The following DISP1 variants were observed in gnomAD, a reference collection of about 807,000 sequenced individuals.
DISP1 encodes the protein protein dispatched homolog 1.
In DISP1, 30 loss-of-function variants were observed where a neutral mutation model predicts 37.3. That is an observed-to-expected ratio of 0.80 (90% CI 0.60 to 1.09). The LOEUF (loss-of-function observed/expected upper bound fraction) is 1.09. Ranked by LOEUF, DISP1 falls within the 50% of genes least tolerant of loss-of-function variation. The pLI is 0.00. For synonymous variants in DISP1, 634 were observed against 690.2 expected (o/e 0.92, Z 1.28); for missense variants, 1,598 against 1,879.5 (o/e 0.85, Z 2.77).
chr1:222,925,019 G>T (rs189017351), intron 1 of DISP1, among the ~76,000 whole-genome samples: 4 of 151,998 alleles, frequency 2.6e-5, no homozygotes, highest in East Asian at 1.9e-4. Flanking sequence ...TTAGAACATC[G>T]TAAGGTCACT....
chr1:222,857,250 T>A (rs1346778963), intron 1 of DISP1, among the ~76,000 whole-genome samples: 1 of 151,868 alleles, frequency 6.6e-6, no homozygotes, highest in African/African-American at 2.4e-5. Context: ...CTGGGCAACA[T>A]AGTGAGACTA....
At chr1:222,956,189 A>G (rs1008859573) in intron 3 of DISP1, among the ~76,000 whole-genome samples, 1 of 152,222 alleles carries the variant, frequency 6.6e-6, no homozygotes, top group African/African-American at 2.4e-5. Flanking sequence ...TCCTCTGCTC[A>G]GAAATCTTCC....
At chr1:222,983,003 G>A in intron 3 of DISP1, 77 bp from the exon 4 acceptor site, 1 of 1,095,902 alleles carries the variant, frequency 9.1e-7, no homozygotes. Flanking sequence ...CAACACATAT[G>A]TAAAGCCTTT....
At chr1:222,870,746 T>G (rs1669513464) in intron 1 of DISP1, among the ~76,000 whole-genome samples, 1 of 152,230 alleles carries the variant, frequency 6.6e-6, no homozygotes, top group Admixed American at 6.5e-5. Context: ...AGGTTGCCTG[T>G]TCACTCTGAT....
chr1:222,957,684 C>G (rs1675711554), intron 3 of DISP1, among the ~76,000 whole-genome samples: 1 of 152,200 alleles, frequency 6.6e-6, no homozygotes, highest in South Asian at 2.1e-4. Flanking sequence ...TAGTGATCGG[C>G]TAGGCCTTGG....
At chr1:222,990,857 C>A in intron 5 of DISP1, 109 bp downstream of exon 5, 1 of 1,413,820 alleles carries the variant, frequency 7.1e-7, no homozygotes. Flanking sequence ...AAAACCTTCT[C>A]AAGCAACAAT....
chr1:222,943,636 C>G lies in DISP1; in HGVS notation c.509+304C>G, dbSNP rs1674546624. 4.6e-5 allele frequency: 20 copies of G among 437,150 alleles called. No individual in the cohort carries two copies. In the South Asian group the frequency reaches 4.7e-4, roughly 10 times the overall value. The allele number at this position is 437,150 out of a possible 1,614,324, so 27.1% of individuals were successfully genotyped here. ...CAAAAAGTTTTATTGTTAGCAATTT[C>G]TGTTATTGTACATGGGAAGCATATT... On this transcript the variant is annotated intron_variant, in intron 3 of 8. Transcript: ENST00000675850.
intron 1 of DISP1, among the ~76,000 whole-genome samples, chr1:222,830,369 C>T (rs936200521): frequency 6.6e-5 from 10 of 151,530 alleles, no homozygotes; most frequent in Admixed American, 2.6e-4. Flanking sequence ...TTCTTCCTTC[C>T]GTCCTTCCTT....
chr1:222,970,961 A>G (rs11485188), intron 3 of DISP1, among the ~76,000 whole-genome samples: 2,801 of 152,162 alleles, frequency 0.018, 88 homozygotes, highest in African/African-American at 0.063. Flanking sequence ...CAGCCCCAGC[A>G]TCTTGTGGCT....
At chr1:222,815,188 C>T (rs1160174260) in intron 1 of DISP1, 110 bp downstream of exon 1, 2 of 152,514 alleles carry the variant, frequency 1.3e-5, no homozygotes, top group Non-Finnish European at 2.9e-5. Context: ...ACGGGAGAGT[C>T]GGCATCTCCC....
rs147223870 is a variant in DISP1 at position 223,003,836 on chromosome 1, T to C, written c.2439T>C (p.Asp813=). ...NPKSKGKLTL[D]SSFNIASPAS... is the part of the protein sequence containing the mutation. ...AGAGTAAAGGGAAGTTGACATTAGA[T>C]AGCAGTTTTAACATCGCCAGCCCAG... is the stretch of plus-strand genomic sequence containing the variant. The change falls in exon 9 of 9, where the codon GAT becomes GAC. Residue 813 remains aspartate (D), a synonymous_variant. Coordinates refer to ENST00000675850, the MANE Select transcript of DISP1 (RefSeq NM_001377229.1). The surrounding 1 kb of genome is among the most constrained non-coding windows in gnomAD (Gnocchi z 4.3). 5.0e-4 allele frequency: 808 copies of C among 1,614,232 alleles called. 3 individuals are homozygous for C. In the African/African-American group the frequency reaches 9.9e-3, roughly 20 times the overall value.
chr1:222,818,512 A>G (rs1389915178), intron 1 of DISP1, among the ~76,000 whole-genome samples: 1 of 152,226 alleles, frequency 6.6e-6, no homozygotes, highest in Non-Finnish European at 1.5e-5. Context: ...ACAGACCAAT[A>G]TCACATATAT....
intron 1 of DISP1, among the ~76,000 whole-genome samples, chr1:222,853,425 A>C (rs1246376396): frequency 2.0e-5 from 3 of 152,188 alleles, no homozygotes; most frequent in Non-Finnish European, 4.4e-5. Flanking sequence ...GGAAATATCA[A>C]TGAGACATTT....
intron 1 of DISP1, among the ~76,000 whole-genome samples, chr1:222,864,537 A>G (rs529598277): frequency 5.3e-5 from 8 of 152,264 alleles, no homozygotes; most frequent in East Asian, 1.9e-4. Flanking sequence ...TGAACAGTCA[A>G]TCCTTTTTTC....
chr1:222,953,835 G>A (rs757964418), intron 3 of DISP1, among the ~76,000 whole-genome samples: 53 of 152,240 alleles, frequency 3.5e-4, no homozygotes, highest in Middle Eastern at 6.8e-3. Context: ...AGATTTTAGA[G>A]TGTGCTATGC....
intron 1 of DISP1, among the ~76,000 whole-genome samples, chr1:222,915,983 A>C (rs1672476291): frequency 6.6e-6 from 1 of 152,192 alleles, no homozygotes; most frequent in South Asian, 2.1e-4. Context: ...CCTATTTGTC[A>C]TGGCAATTTT....
At chr1:222,835,631 T>C (rs1249149614) in intron 1 of DISP1, among the ~76,000 whole-genome samples, 2 of 152,204 alleles carry the variant, frequency 1.3e-5, no homozygotes, top group Non-Finnish European at 2.9e-5. Context: ...ATTTTTATAC[T>C]ACTTTTAGGC....
At chr1:222,958,033 A>T (rs77586732) in intron 3 of DISP1, among the ~76,000 whole-genome samples, 1 of 152,330 alleles carries the variant, frequency 6.6e-6, no homozygotes, top group African/African-American at 2.4e-5. Context: ...TGCCTTCTTC[A>T]GTTTTTAATT....
At chr1:222,885,485 T>C (rs1011753137) in intron 1 of DISP1, among the ~76,000 whole-genome samples, 33 of 150,878 alleles carry the variant, frequency 2.2e-4, no homozygotes, top group African/African-American at 7.8e-4. Context: ...TTTTTTTTTT[T>C]TGAGACAAGA....
Sources: allele counts gnomAD v4.1 joint callset (sites outside exome capture counted in the v4.1 genomes callset), GRCh38; gene constraint gnomAD v4.1.1; non-coding constraint Gnocchi (gnomAD v3.1); transcripts MANE v1.5; gene names NCBI Gene and HGNC (gene_info 2026-07-23, HGNC 2026-07-21).